SUPV3L1: variants seen among roughly 807,000 people sequenced by gnomAD.
SUPV3L1 encodes ATP-dependent RNA helicase SUPV3L1, mitochondrial.
In SUPV3L1, 35 loss-of-function variants were observed where a neutral mutation model predicts 70.0. That is an observed-to-expected ratio of 0.50 (90% CI 0.38 to 0.66). The LOEUF (loss-of-function observed/expected upper bound fraction) is 0.66. Ranked by LOEUF, SUPV3L1 falls within the 30% of genes least tolerant of loss-of-function variation. The pLI is 0.00. For missense variants in SUPV3L1, 777 were observed against 961.5 expected (o/e 0.81, Z 2.54); for synonymous variants, 364 against 341.9 (o/e 1.06, Z -0.71).
At chr10:69,185,463 G>T (rs531929412) in intron 1 of SUPV3L1, among the ~76,000 whole-genome samples, 43 of 143,084 alleles carry the variant, frequency 3.0e-4, no homozygotes, top group African/African-American at 9.9e-4. Flanking sequence ...TTCCTCTATG[G>T]TATAACAGGG....
At chr10:69,205,658 C>T (rs567264007) in intron 13 of SUPV3L1, among the ~76,000 whole-genome samples, 7 of 152,112 alleles carry the variant, frequency 4.6e-5, no homozygotes, top group African/African-American at 7.2e-5. Context: ...CTCAGCCTCC[C>T]GAGTAGCTGG....
intron 13 of SUPV3L1, among the ~76,000 whole-genome samples, 169 bp downstream of exon 13, chr10:69,203,212 A>G (rs908256493): frequency 2.0e-5 from 3 of 152,248 alleles, no homozygotes; most frequent in African/African-American, 7.2e-5. Context: ...AGTTTTCTTA[A>G]GTGTAAAGCA....
chr10:69,194,905 T>C (rs906217), intron 6 of SUPV3L1, among the ~76,000 whole-genome samples: 132,160 of 152,202 alleles, frequency 0.87, 57,667 homozygotes, highest in Non-Finnish European at 0.91. Flanking sequence ...CATCTCTGCA[T>C]TTAACTGTAT....
In SUPV3L1 at chr10:69,200,474, T is replaced by G; in HGVS notation, c.1493T>G (p.Leu498Trp). Residue 498 changes from leucine (L) to tryptophan (W), a missense_variant, in exon 11 of 15, where the codon TTG (leucine) becomes TGG (tryptophan). This residue lies in a region of SUPV3L1 where 619 missense variants were observed against 823.3 expected (regional missense o/e 0.75). Coordinates refer to ENST00000359655, the MANE Select transcript of SUPV3L1 (RefSeq NM_003171.5). ...GATCTCAGTTTATTAAAGGAAATTT[T>G]GAAGAGGCCTGTGGATCCTATAAGG... ...HEDLSLLKEI[L>W]KRPVDPIRAA... 1 of 1,614,042 alleles carries G rather than the reference T, an allele frequency of 6.2e-7. No individual in the cohort carries two copies. The highest frequency in any genetic ancestry group is 8.5e-7 in the Non-Finnish European group (1 of 1,179,994).
At chr10:69,198,234 CTG>C (rs1842593175) in intron 8 of SUPV3L1, 136 bp from the exon 9 acceptor site, 1 of 641,640 alleles carries the variant, frequency 1.6e-6, no homozygotes, top group Non-Finnish European at 2.6e-6. Context: ...AAATGTTTTT[CTG>C]TGTTTTCTTT....
rs1842401458 is a variant in SUPV3L1 at position 69,191,661 on chromosome 10, C to G, written c.748C>G (p.Pro250Ala). 1 of 1,613,386 alleles carries G rather than the reference C, an allele frequency of 6.2e-7. No homozygotes were observed. The highest frequency in any genetic ancestry group is 8.5e-7 in the Non-Finnish European group (1 of 1,179,504). ...IFEKSNAAGVPCDLVTGEERV... is the reference protein window; with the variant it reads ...IFEKSNAAGVACDLVTGEERV... ...TTTTTTTCTGTCTTTCTAGGGTGTG[C>G]CATGTGACTTGGTGACAGGTGAAGA... Residue 250 changes from proline to alanine, a missense_variant, in exon 6 of 15, where the codon CCA (proline) becomes GCA (alanine). Transcript: ENST00000359655.
At chr10:69,189,172 G>C (rs1449667942) in intron 4 of SUPV3L1, 95 bp from the exon 5 acceptor site, 8 of 1,314,264 alleles carry the variant, frequency 6.1e-6, no homozygotes, top group Non-Finnish European at 7.3e-6. Flanking sequence ...TGAACATTAA[G>C]AGGATATTTC....
At chr10:69,183,051 T>A (rs1362527493) in intron 1 of SUPV3L1, among the ~76,000 whole-genome samples, 1 of 152,166 alleles carries the variant, frequency 6.6e-6, no homozygotes, top group Non-Finnish European at 1.5e-5. Context: ...TCTCCACTTG[T>A]CTTTCTTACA....
intron 11 of SUPV3L1, among the ~76,000 whole-genome samples, chr10:69,202,189 T>C (rs1842701486): frequency 6.6e-6 from 1 of 152,178 alleles, no homozygotes; most frequent in South Asian, 2.1e-4. Flanking sequence ...TTTAGAAATA[T>C]AACTAAAATG....
chr10:69,204,397 A>G (rs538567236), intron 13 of SUPV3L1, among the ~76,000 whole-genome samples: 8 of 152,274 alleles, frequency 5.3e-5, no homozygotes, highest in African/African-American at 1.9e-4. Context: ...GCTATATTCT[A>G]ATCAAATCTA....
intron 11 of SUPV3L1, among the ~76,000 whole-genome samples, chr10:69,200,825 A>G (rs2132298398): frequency 6.6e-6 from 1 of 152,348 alleles, no homozygotes; most frequent in South Asian, 2.1e-4. Context: ...ACAGAGCTAC[A>G]TTAGTGGACT....
At chr10:69,199,336 G>A in intron 10 of SUPV3L1, 139 bp downstream of exon 10, 1 of 681,206 alleles carries the variant, frequency 1.5e-6, no homozygotes, top group Non-Finnish European at 2.4e-6. Flanking sequence ...TTTGAGGTTT[G>A]TCTTGCCTAC....
chr10:69,197,048 A>G lies in SUPV3L1; in HGVS notation c.988A>G (p.Met330Val). ...CGEPAAIDLV[M>V]ELMYTTGEEV... Reference sequence around the variant, plus strand: ...AGAACCTGCTGCTATTGACCTGGTGATGGAGCTTATGTACACAACGGGGGA... The same window carrying G: ...AGAACCTGCTGCTATTGACCTGGTGGTGGAGCTTATGTACACAACGGGGGA... The change falls in exon 8 of 15, where the codon ATG (methionine) becomes GTG (valine). Residue 330 changes from methionine to valine, a missense_variant. By Grantham distance (21) the Met-to-Val change is conservative (BLOSUM62 1). Coordinates refer to ENST00000359655, the MANE Select transcript of SUPV3L1 (RefSeq NM_003171.5). The G allele has an allele frequency of 6.2e-7, 1 of 1,614,130 alleles. No homozygotes were observed. Among genetic ancestry groups the G allele is most frequent in the Non-Finnish European group, 8.5e-7 (1 of 1,180,002 alleles).
intron 6 of SUPV3L1, chr10:69,193,143 C>T (rs985850069): frequency 3.9e-5 from 6 of 152,106 alleles, no homozygotes; most frequent in South Asian, 2.1e-4. Flanking sequence ...CCCACCTATC[C>T]GGAATCAATA....
chr10:69,180,784 C>T (rs1296801673), intron 1 of SUPV3L1, among the ~76,000 whole-genome samples: 3 of 152,186 alleles, frequency 2.0e-5, no homozygotes, highest in Non-Finnish European at 4.4e-5. Context: ...CGGCCTTTTC[C>T]CTTTTACTGC....
At chr10:69,184,674 TATTTA>T (rs10596253) in intron 1 of SUPV3L1, among the ~76,000 whole-genome samples, 6,223 of 149,124 alleles carry the variant, frequency 0.042, 446 homozygotes, top group African/African-American at 0.14. Context: ...GTGTATCTCA[TATTTA>T]ATTGTGGGCA....
intron 7 of SUPV3L1, among the ~76,000 whole-genome samples, chr10:69,195,554 CTTTTTT>C (rs1248716405): frequency 6.6e-6 from 1 of 151,992 alleles, no homozygotes; most frequent in Non-Finnish European, 1.5e-5. Flanking sequence ...CTAGTCTTTT[CTTTTTT>C]GTATGTGCAT....
intron 5 of SUPV3L1, among the ~76,000 whole-genome samples, chr10:69,190,962 G>A (rs150252753): frequency 5.9e-5 from 9 of 151,988 alleles, no homozygotes; most frequent in African/African-American, 1.4e-4. Flanking sequence ...CAGCATTAAT[G>A]TTGGTCCCTC....
chr10:69,199,566 A>G (rs1339146382), intron 10 of SUPV3L1, among the ~76,000 whole-genome samples: 2 of 151,664 alleles, frequency 1.3e-5, no homozygotes, highest in African/African-American at 2.4e-5. Flanking sequence ...TTTTTTGGGT[A>G]GTGACAAGGT....
Sources: gnomAD v4.1 joint callset for allele counts (sites outside exome capture counted in the v4.1 genomes callset) on GRCh38, gnomAD v4.1.1 for gene constraint, gnomAD v4.1.1 regional missense constraint, MANE v1.5 for transcripts, NCBI Gene and HGNC (gene_info 2026-07-23, HGNC 2026-07-21) for gene names.